Variants in PDE11A observed in about 807,000 individuals in gnomAD.
The protein encoded by PDE11A is phosphodiesterase 11A.
Under a neutral mutation model 100.5 loss-of-function variants are expected in PDE11A, and 100 were observed. The ratio of observed to expected loss-of-function variants is 1.00; its 90% CI spans 0.85 to 1.18. PDE11A has a LOEUF of 1.18. Among genes scored for constraint, PDE11A ranks in the 50% most tolerant of loss-of-function variants. PDE11A has a pLI of 0.00. For missense variants in PDE11A, 1,141 were observed against 1,152.6 expected (o/e 0.99, Z 0.15); for synonymous variants, 381 against 420.8 (o/e 0.91, Z 1.16).
At chr2:177,788,966 A>G (rs2082585468) in intron 9 of PDE11A, among the ~76,000 whole-genome samples, 1 of 152,212 alleles carries the variant, frequency 6.6e-6, no homozygotes, top group Admixed American at 6.5e-5. Flanking sequence ...AGGTACAAGG[A>G]GGAACTGGTA....
At position 177,660,168 on chromosome 2, in the gene PDE11A, C is replaced by G. The variant is rs1227373131; in HGVS notation, c.2646+3698G>C. On this transcript the variant is annotated intron_variant, in intron 19 of 19. Coordinates refer to ENST00000286063, the MANE Select transcript of PDE11A (RefSeq NM_016953.4). ...CTCTTTCTTTCTTCTCTCTCTCTCTCTCCTTCTCTGTCTCTCTCTCTTTAA... is the reference window on the plus strand; with the variant it reads ...CTCTTTCTTTCTTCTCTCTCTCTCTGTCCTTCTCTGTCTCTCTCTCTTTAA... 1.6e-5 allele frequency among the ~76,000 whole-genome samples: 2 copies of G among 125,452 alleles called. 1 individual carries two copies. The highest frequency in any genetic ancestry group is 3.4e-5 in the Non-Finnish European group (2 of 58,538). The allele number at this position is 125,452 out of a possible 152,430, so 82.3% of individuals were successfully genotyped here. A position where few individuals can be genotyped will look rare whatever the true frequency, so the allele number is the denominator to read the frequency against.
chr2:177,780,208 G>C (rs997542557), intron 9 of PDE11A, among the ~76,000 whole-genome samples: 2 of 152,160 alleles, frequency 1.3e-5, no homozygotes, highest in Non-Finnish European at 1.5e-5. Flanking sequence ...AGACTTTGCT[G>C]TTCCATTTAT....
At chr2:177,961,389 G>C (rs2085630277) in intron 2 of PDE11A, among the ~76,000 whole-genome samples, 1 of 152,068 alleles carries the variant, frequency 6.6e-6, no homozygotes, top group African/African-American at 2.4e-5. Flanking sequence ...CTCTAGTATA[G>C]AGGCTGTATC....
At chr2:178,103,092 A>T (rs1013440245) in intron 2 of PDE11A, among the ~76,000 whole-genome samples, 2 of 152,218 alleles carry the variant, frequency 1.3e-5, no homozygotes, top group Admixed American at 6.5e-5. Flanking sequence ...GCCATAAAAA[A>T]TTATTAGACT....
chr2:177,971,805 T>A (rs1247106748), intron 2 of PDE11A, among the ~76,000 whole-genome samples: 1 of 151,910 alleles, frequency 6.6e-6, no homozygotes, highest in Non-Finnish European at 1.5e-5. Flanking sequence ...ACAGAGCTGG[T>A]GGGAACATCC....
chr2:178,055,621 A>C (rs2086890347), intron 1 of PDE11A, among the ~76,000 whole-genome samples: 1 of 152,154 alleles, frequency 6.6e-6, no homozygotes, highest in African/African-American at 2.4e-5. Context: ...ACAAAGAGAA[A>C]ATTAATAATG....
intron 12 of PDE11A, among the ~76,000 whole-genome samples, chr2:177,715,226 C>T (rs2081419011): frequency 6.6e-6 from 1 of 152,190 alleles, no homozygotes; most frequent in South Asian, 2.1e-4. Flanking sequence ...TGAAGGCCTG[C>T]TCTATTGTGT....
chr2:178,102,418 C>T (rs2087570258), intron 2 of PDE11A, among the ~76,000 whole-genome samples: 1 of 145,576 alleles, frequency 6.9e-6, no homozygotes, highest in South Asian at 2.2e-4. Flanking sequence ...AGCCACCATG[C>T]CTGGTCTAAG....
At position 178,071,551 on chromosome 2, in the gene PDE11A, G is replaced by A. The variant is rs1299721819; in HGVS notation, c.887C>T (p.Thr296Met). ...CTGGTAGGCATCAGGAATGTTGACC[G>A]TTTCTCCATGCTCCCCGACATAGCC... The part of the protein sequence containing the change: ...IIGYVGEHGE[T>M]VNIPDAYQDR... Residue 296 changes from threonine to methionine, a missense_variant, in exon 1 of 20, where the codon ACG (threonine) becomes ATG (methionine). Physicochemically the swap from Thr to Met is moderately conservative, Grantham distance 81 (BLOSUM62 -1). Coordinates refer to ENST00000286063, the MANE Select transcript of PDE11A (RefSeq NM_016953.4). 1.9e-6 allele frequency: 3 copies of A among 1,612,268 alleles called. No individual in the cohort carries two copies. Among genetic ancestry groups the A allele is most frequent in the African/African-American group, 2.7e-5 (2 of 74,896 alleles).
chr2:178,079,389 G>C (rs1461226973), intron 2 of PDE11A, among the ~76,000 whole-genome samples: 1 of 152,024 alleles, frequency 6.6e-6, no homozygotes, highest in African/African-American at 2.4e-5. Flanking sequence ...AGAACATGTG[G>C]GTTTGGTTTT....
intron 2 of PDE11A, among the ~76,000 whole-genome samples, chr2:177,907,662 C>G (rs1182341177): frequency 6.6e-6 from 1 of 152,188 alleles, no homozygotes; most frequent in Non-Finnish European, 1.5e-5. Context: ...AATGCTTATA[C>G]AATGAACAGC....
chr2:178,032,282 A>T (rs930547791), intron 1 of PDE11A, among the ~76,000 whole-genome samples: 3 of 152,198 alleles, frequency 2.0e-5, no homozygotes, highest in African/African-American at 7.2e-5. Context: ...ATAAGAACAA[A>T]AATGCAAATT....
intron 5 of PDE11A, among the ~76,000 whole-genome samples, chr2:177,853,628 AGT>A (rs2083755047): frequency 9.1e-6 from 1 of 109,776 alleles, no homozygotes; most frequent in Non-Finnish European, 1.8e-5. Flanking sequence ...CTTCCCAACA[AGT>A]CCTGCATATA....
intron 2 of PDE11A, among the ~76,000 whole-genome samples, chr2:177,937,853 A>C (rs1346535710): frequency 6.6e-6 from 1 of 152,188 alleles, no homozygotes; most frequent in African/African-American, 2.4e-5. Context: ...CAAGAAATAG[A>C]GAAAAAGGCT....
intron 5 of PDE11A, among the ~76,000 whole-genome samples, chr2:177,853,299 C>T (rs889749737): frequency 1.2e-4 from 19 of 152,094 alleles, no homozygotes; most frequent in African/African-American, 4.3e-4. Context: ...ATGTTGAAGG[C>T]TGCATAGCGC....
chr2:177,762,137 C>T (rs139621350), intron 10 of PDE11A, among the ~76,000 whole-genome samples: 8 of 152,080 alleles, frequency 5.3e-5, no homozygotes, highest in African/African-American at 1.4e-4. Context: ...GCAGAATGGA[C>T]GGGACTGCAT....
At chr2:177,678,042 T>C (rs2080806253) in intron 16 of PDE11A, 1 of 152,208 alleles carries the variant, frequency 6.6e-6, no homozygotes, top group Non-Finnish European at 1.5e-5. Flanking sequence ...AAATCTGCAC[T>C]TGCCTAACAA....
chr2:177,945,660 C>T (rs1211390780), intron 2 of PDE11A, among the ~76,000 whole-genome samples: 10 of 152,282 alleles, frequency 6.6e-5, no homozygotes, highest in South Asian at 2.1e-4. Flanking sequence ...CCTCTCCGCC[C>T]GGCAGCCACC....
chr2:178,007,634 G>A (rs1363671212), intron 2 of PDE11A, among the ~76,000 whole-genome samples: 1 of 152,102 alleles, frequency 6.6e-6, no homozygotes, highest in East Asian at 1.9e-4. Context: ...ACGAAATCAT[G>A]AGCCATCTGC....
Sources: allele counts gnomAD v4.1 joint callset (sites outside exome capture counted in the v4.1 genomes callset), GRCh38; gene constraint gnomAD v4.1.1; transcripts MANE v1.5; gene names NCBI Gene and HGNC (gene_info 2026-07-23, HGNC 2026-07-21).